Variants in LRRC39 observed in about 807,000 individuals in gnomAD.
The protein encoded by LRRC39 is leucine-rich repeat-containing protein 39.
In LRRC39, 35 loss-of-function variants were observed where a neutral mutation model predicts 39.7. The observed-to-expected ratio is 0.88, with a 90% CI of 0.67 to 1.17. The LOEUF is 1.17. LRRC39 is among the 50% of genes most tolerant of loss of function. The probability of loss-of-function intolerance (pLI) is 0.00; values close to 1 mark genes in which losing one functional copy is unlikely to be tolerated. For missense variants in LRRC39, 357 were observed against 385.8 expected (o/e 0.93, Z 0.62); for synonymous variants, 113 against 134.1 (o/e 0.84, Z 1.09).
chr1:100,171,590 A>T (rs1270448063), intron 2 of LRRC39, among the ~76,000 whole-genome samples: 1 of 150,080 alleles, frequency 6.7e-6, no homozygotes, highest in African/African-American at 2.5e-5. Context: ...GCAGCCTCAA[A>T]CTCCAGGACT....
chr1:100,175,349 GTTTT>G (rs576646143), intron 1 of LRRC39, among the ~76,000 whole-genome samples: 1 of 133,270 alleles, frequency 7.5e-6, no homozygotes. Context: ...CAGTGTGCCA[GTTTT>G]TTTTTTTTTT....
chr1:100,160,354 T>G (rs993787558), intron 4 of LRRC39, 112 bp downstream of exon 4: 2 of 646,202 alleles, frequency 3.1e-6, no homozygotes, highest in Admixed American at 6.6e-5. Context: ...TGGTGTATTA[T>G]TAAAATTAGT....
intron 2 of LRRC39, among the ~76,000 whole-genome samples, chr1:100,171,495 T>G (rs560928393): frequency 2.6e-5 from 4 of 151,388 alleles, no homozygotes; most frequent in Non-Finnish European, 5.9e-5. Flanking sequence ...CTTTTTTTTT[T>G]CTTTCTTCTT....
intron 3 of LRRC39, 51 bp downstream of exon 3, chr1:100,168,353 T>A (rs1452822329): frequency 7.5e-7 from 1 of 1,333,372 alleles, no homozygotes; most frequent in Admixed American, 2.1e-5. Context: ...TTTATGGTGA[T>A]GATAATATGA....
intron 2 of LRRC39, among the ~76,000 whole-genome samples, chr1:100,173,085 CA>C (rs1659739318): frequency 6.8e-6 from 1 of 147,412 alleles, no homozygotes; most frequent in African/African-American, 2.5e-5. Context: ...ATAAAAAATA[CA>C]AAAATTAGCC....
chr1:100,156,135 G>A (rs758367716), intron 7 of LRRC39, 37 bp downstream of exon 7: 1 of 1,580,698 alleles, frequency 6.3e-7, no homozygotes, highest in Non-Finnish European at 8.6e-7. Flanking sequence ...GAGGTTTCAA[G>A]ACTTTTATCA....
In LRRC39 at chr1:100,169,654, T is replaced by TC. The variant is rs2082370923; in HGVS notation, c.-78-1061dup. Among the ~76,000 whole-genome samples the TC allele has an allele frequency of 2.6e-5, 4 of 152,218 alleles. No individual in the cohort carries two copies. In the South Asian group the frequency reaches 6.2e-4, roughly 24 times the overall value. On this transcript the variant is annotated intron_variant, in intron 2 of 9. Transcript: ENST00000370137. ...TATCTTATATATTCATATGCCATGA[T>TC]CTCCAAAATATATAACTATCCCACA...
rs143522838 is a variant in LRRC39, at chr1:100,169,695, T to C, written c.-78-1101A>G. On this transcript the variant is annotated intron_variant, in intron 2 of 9. Coordinates refer to ENST00000370137, the MANE Select transcript of LRRC39 (RefSeq NM_144620.4). ...CTATCCCACAGTTTATCCATTCTAA[T>C]GAATGTGAATATTTGGGTCCCAGAG... Among the ~76,000 whole-genome samples, 799 of 152,228 alleles carry C rather than the reference T, an allele frequency of 5.2e-3. 2 individuals are homozygous for C. The highest frequency in any genetic ancestry group is 0.013 in the South Asian group (65 of 4,824).
chr1:100,162,994 C>T (rs572050755), intron 3 of LRRC39, among the ~76,000 whole-genome samples: 1 of 152,290 alleles, frequency 6.6e-6, no homozygotes, highest in Admixed American at 6.5e-5. Context: ...TAAAATACCT[C>T]TCTTAGTATC....
At chr1:100,169,937 T>C (rs189568359) in intron 2 of LRRC39, among the ~76,000 whole-genome samples, 2 of 152,312 alleles carry the variant, frequency 1.3e-5, no homozygotes, top group East Asian at 1.9e-4. Flanking sequence ...CCCGTTGATA[T>C]ACATCCATTA....
intron 8 of LRRC39, among the ~76,000 whole-genome samples, chr1:100,154,484 A>T (rs1658308235): frequency 6.6e-6 from 1 of 152,240 alleles, no homozygotes; most frequent in African/African-American, 2.4e-5. Context: ...TAAAGAAAAG[A>T]CAAAAATACT....
At chr1:100,163,410 C>T (rs926089841) in intron 3 of LRRC39, among the ~76,000 whole-genome samples, 4 of 152,088 alleles carry the variant, frequency 2.6e-5, no homozygotes, top group Non-Finnish European at 5.9e-5. Context: ...CTGTAAAGAT[C>T]GCTAAATTCT....
Position 100,173,355 on chromosome 1 carries a change from T to A in LRRC39, c.-103A>T, listed in dbSNP as rs1659757430. The A allele has an allele frequency of 1.3e-5, 2 of 152,144 alleles. No homozygotes were observed. The highest frequency in any genetic ancestry group is 2.9e-5 in the Non-Finnish European group (2 of 68,016). 9.4% of individuals were successfully genotyped at this position (152,144 alleles called of 1,614,324 possible). On this transcript the variant is annotated 5_prime_UTR_variant, in exon 2 of 10. Transcript: ENST00000370137. The stretch of plus-strand genomic sequence containing the variant: ...CCTTTGTTTGAGAAATCAATTAATG[T>A]AATATTCTGAATAGACTAGAAGAGA...
chr1:100,174,809 T>C (rs954875449), intron 1 of LRRC39, among the ~76,000 whole-genome samples: 1 of 152,248 alleles, frequency 6.6e-6, no homozygotes. Context: ...AAAGATATAC[T>C]ATATCACAAT....
chr1:100,160,676 G>T, intron 3 of LRRC39, 105 bp from the exon 4 acceptor site: 1 of 855,024 alleles, frequency 1.2e-6, no homozygotes, highest in Non-Finnish European at 1.8e-6. Context: ...CCAGGCTGGA[G>T]TGCAGTGGCC....
chr1:100,176,236 G>C (rs1199233136), intron 1 of LRRC39, among the ~76,000 whole-genome samples: 1 of 152,330 alleles, frequency 6.6e-6, no homozygotes, highest in East Asian at 1.9e-4. Context: ...AGACCAGCCT[G>C]ACCAACATGG....
chr1:100,165,723 C>A (rs907171200), intron 3 of LRRC39, among the ~76,000 whole-genome samples: 15 of 152,088 alleles, frequency 9.9e-5, no homozygotes, highest in African/African-American at 3.6e-4. Flanking sequence ...TGTCCCCACC[C>A]AAATCTCATC....
At chr1:100,149,255 A>T (rs1570756055) in intron 9 of LRRC39, 158 bp from the exon 10 acceptor site, 3 of 1,513,240 alleles carry the variant, frequency 2.0e-6, no homozygotes, top group Middle Eastern at 1.7e-4. Context: ...AATTTGACTT[A>T]TATGTGGACA....
intron 9 of LRRC39, among the ~76,000 whole-genome samples, chr1:100,151,070 A>G (rs1380388877): frequency 1.4e-5 from 2 of 144,634 alleles, no homozygotes; most frequent in Non-Finnish European, 3.0e-5. Flanking sequence ...AAATTTGCCA[A>G]GTGAGCCGAG....
Sources: allele counts gnomAD v4.1 joint callset (sites outside exome capture counted in the v4.1 genomes callset), GRCh38; gene constraint gnomAD v4.1.1; transcripts MANE v1.5; gene names NCBI Gene and HGNC (gene_info 2026-07-23, HGNC 2026-07-21).